The following PSG2 variants were observed in gnomAD, a reference collection of about 807,000 sequenced individuals.
PSG2 encodes the protein pregnancy specific beta-1-glycoprotein 2, also known as pregnancy-specific beta-1-glycoprotein 2.
In PSG2, 49 loss-of-function variants were observed where a neutral mutation model predicts 36.2. The ratio of observed to expected loss-of-function variants is 1.35; its 90% confidence interval spans 1.08 to 1.72. The LOEUF (loss-of-function observed/expected upper bound fraction) is 1.72. Ranked by LOEUF, PSG2 falls within the 40% of genes most tolerant of loss-of-function variation. The pLI, the probability that PSG2 is intolerant of heterozygous loss-of-function variation, is 0.00. For synonymous variants in PSG2, 261 were observed against 155.6 expected, an observed-to-expected ratio of 1.68 and a Z score of -5.04; for missense variants, 605 against 407.2, an observed-to-expected ratio of 1.49 and a Z score of -4.18.
chr19:43,082,250 C>T (rs145613267), intron 1 of PSG2: 34 of 438,774 alleles, frequency 7.7e-5, no homozygotes, highest in African/African-American at 5.2e-4. Flanking sequence ...ACGTGATTCT[C>T]CTGCCACAGC....
chr19:43,075,680 C>T lies in PSG2; in HGVS notation c.431-48G>A, dbSNP rs778557643. 3.8e-6 allele frequency: 6 copies of T among 1,570,272 alleles called. 1 individual carries two copies. Among genetic ancestry groups the T allele is most frequent in the Admixed American group, 3.7e-5 (2 of 54,436 alleles). ...ATTGCCCTGTGTGGCACCTTTGATT[C>T]CTCCAAAGGCATTTTTCAATCAGAG... On this transcript the variant is annotated intron_variant, in intron 2 of 5. Transcript: ENST00000406487.
chr19:43,082,092 GC>G (rs1296347037), intron 1 of PSG2: 1 of 158,134 alleles, frequency 6.3e-6, no homozygotes, highest in Non-Finnish European at 1.3e-5. Flanking sequence ...CTCCAACAGA[GC>G]CTTCTTTCCT....
At chr19:43,068,083 C>CA (rs1190571911) in intron 4 of PSG2, among the ~76,000 whole-genome samples, 1 of 151,220 alleles carries the variant, frequency 6.6e-6, no homozygotes, top group African/African-American at 2.5e-5. Context: ...ACAAAATTGA[C>CA]AACCATTAAC....
Position 43,081,810 on chromosome 19 carries a change from C to G in PSG2, c.65-564G>C, listed in dbSNP as rs559208211. The G allele has an allele frequency of 9.6e-4, 150 of 156,780 alleles. 6 individuals are homozygous for G. The highest frequency in any genetic ancestry group is 3.2e-3 in the African/African-American group (130 of 40,072). 9.7% of individuals were successfully genotyped at this position (156,780 alleles called of 1,614,324 possible). A position where few individuals can be genotyped will look rare whatever the true frequency, so the allele number is the denominator to read the frequency against. The stretch of plus-strand genomic sequence containing the variant: ...GCTGCAGACTCCTGTAGATGTGAGA[C>G]TTCTCAGGGCCCTCCACACCCTTGG... On this transcript the variant is annotated intron_variant, in intron 1 of 5. Coordinates refer to ENST00000406487, the MANE Select transcript of PSG2 (RefSeq NM_031246.4).
intron 4 of PSG2, among the ~76,000 whole-genome samples, chr19:43,071,130 C>T (rs547574339): frequency 6.6e-6 from 1 of 151,538 alleles, no homozygotes; most frequent in East Asian, 1.9e-4. Context: ...TAGCGAAATT[C>T]AGGACAGTCC....
At chr19:43,075,011 G>A (rs989195444) in intron 3 of PSG2, among the ~76,000 whole-genome samples, 1 of 151,638 alleles carries the variant, frequency 6.6e-6, no homozygotes, top group African/African-American at 2.4e-5. Context: ...GAAAATCCTG[G>A]TCTGTGGAAG....
Position 43,071,816 on chromosome 19 carries a change from C to G in PSG2, c.848G>C (p.Gly283Ala), listed in dbSNP as rs759236061. The change falls in exon 4 of 6, where the codon GGA becomes GCA. Residue 283 changes from glycine (G) to alanine (A), a missense_variant. Coordinates refer to ENST00000406487, the MANE Select transcript of PSG2 (RefSeq NM_031246.4). The part of the protein sequence containing the change: ...WTINGKFQQS[G>A]QNLFIPQITT... ...AATTTGGGGGATAAACAGATTTTGT[C>G]CTGATTGCTGAAACTTCCCATTAAT... 2 of 1,613,036 alleles carry G rather than the reference C, an allele frequency of 1.2e-6. No individual in the cohort carries two copies.
intron 4 of PSG2, among the ~76,000 whole-genome samples, chr19:43,071,123 C>T (rs1040892058): frequency 2.0e-5 from 3 of 151,502 alleles, no homozygotes; most frequent in Non-Finnish European, 2.9e-5. Context: ...CTCCATTTAG[C>T]GAAATTCAGG....
intron 2 of PSG2, among the ~76,000 whole-genome samples, chr19:43,077,171 C>T (rs28443478): frequency 0.3 from 44,580 of 150,594 alleles, 8,678 homozygotes; most frequent in African/African-American, 0.53. Context: ...AGTATTTCTC[C>T]TGAGACCAAA....
At chr19:43,077,562 G>A (rs1967914762) in intron 2 of PSG2, among the ~76,000 whole-genome samples, 2 of 151,662 alleles carry the variant, frequency 1.3e-5, no homozygotes, top group Admixed American at 6.6e-5. Context: ...CTCCCCACAA[G>A]AAGAACTCCA....
rs1056699426 is a variant in PSG2, at chr19:43,082,487, C to T, written c.64+19G>A. ...TCTTCTTCCTCCTCCTGTCCTCTCC[C>T]AGGAAGTTCTCTCCTCACCTGTGAC... On this transcript the variant is annotated intron_variant, in intron 1 of 5. Transcript: ENST00000406487. 6.2e-7 allele frequency: 1 copy of T among 1,608,940 alleles called. No individual in the cohort carries two copies. The highest frequency in any genetic ancestry group is 8.5e-7 in the Non-Finnish European group (1 of 1,176,792).
intron 4 of PSG2, among the ~76,000 whole-genome samples, 156 bp downstream of exon 4, chr19:43,071,544 G>C (rs1183124549): frequency 6.6e-6 from 1 of 151,532 alleles, no homozygotes; most frequent in East Asian, 1.9e-4. Flanking sequence ...AAGAGAGTTT[G>C]TAGAGACAAA....
intron 4 of PSG2, among the ~76,000 whole-genome samples, chr19:43,067,556 C>G (rs138496904): frequency 0.035 from 5,281 of 151,434 alleles, 435 homozygotes; most frequent in African/African-American, 0.12. Flanking sequence ...CACAATAACC[C>G]TGTCAGGTAG....
intron 4 of PSG2, 33 bp from the exon 5 acceptor site, chr19:43,066,633 A>G (rs2122892989): frequency 6.4e-7 from 1 of 1,560,098 alleles, no homozygotes; most frequent in Non-Finnish European, 8.8e-7. Flanking sequence ...GAAGGAATGA[A>G]GGTGATGTTA....
At chr19:43,066,977 T>C (rs1047115001) in intron 4 of PSG2, among the ~76,000 whole-genome samples, 9 of 151,516 alleles carry the variant, frequency 5.9e-5, no homozygotes, top group Admixed American at 1.3e-4. Context: ...CAGGTCTCCA[T>C]GGCAGGGACC....
intron 1 of PSG2, 146 bp from the exon 2 acceptor site, chr19:43,081,392 CACACACAAA>C: frequency 8.3e-7 from 1 of 1,202,156 alleles, no homozygotes; most frequent in Non-Finnish European, 1.1e-6. Flanking sequence ...CACACACACA[CACACACAAA>C]AGGGGCATGT....
chr19:43,078,790 T>G (rs1351980750), intron 2 of PSG2, among the ~76,000 whole-genome samples: 2 of 151,648 alleles, frequency 1.3e-5, no homozygotes, highest in African/African-American at 2.4e-5. Flanking sequence ...TCAATAATTT[T>G]TTTGTGTGTG....
At chr19:43,073,813 A>G (rs1205637605) in intron 3 of PSG2, among the ~76,000 whole-genome samples, 1 of 151,736 alleles carries the variant, frequency 6.6e-6, no homozygotes, top group Non-Finnish European at 1.5e-5. Flanking sequence ...ACTTAAGACA[A>G]AAAGTGTTTC....
intron 1 of PSG2, among the ~76,000 whole-genome samples, 166 bp from the exon 2 acceptor site, chr19:43,081,412 GTGTTTGTA>G (rs1413148888): frequency 6.6e-6 from 1 of 150,864 alleles, no homozygotes; most frequent in African/African-American, 2.5e-5. Flanking sequence ...AGGGGCATGT[GTGTTTGTA>G]TGTGTGTATG....
Sources: gnomAD v4.1 joint callset for allele counts (sites outside exome capture counted in the v4.1 genomes callset) on GRCh38, gnomAD v4.1.1 for gene constraint, MANE v1.5 for transcripts, NCBI Gene and HGNC (gene_info 2026-07-23, HGNC 2026-07-21) for gene names.